C2orf74: variants seen among roughly 807,000 people sequenced by gnomAD.
C2orf74 encodes the protein DPM1 ER membrane anchor 1, also known as uncharacterized protein C2orf74.
A neutral mutation model predicts 17.9 loss-of-function variants in C2orf74; 14 were observed. The ratio of observed to expected loss-of-function variants is 0.78; its 90% CI spans 0.52 to 1.22. C2orf74 has a LOEUF of 1.22. Ranked by LOEUF, C2orf74 falls within the 50% of genes most tolerant of loss-of-function variation. The probability of loss-of-function intolerance (pLI) is 0.00; values close to 1 mark genes in which losing one functional copy is unlikely to be tolerated. For missense variants in C2orf74, 217 were observed against 218.4 expected (o/e 0.99, Z 0.04); for synonymous variants, 79 against 72.6 (o/e 1.09, Z -0.44).
At chr2:61,163,355 TC>T in intron 4 of C2orf74, 123 bp downstream of exon 4, 1 of 1,078,464 alleles carries the variant, frequency 9.3e-7, no homozygotes, top group Non-Finnish European at 1.3e-6. Context: ...ACGCCTGTAA[TC>T]CCAGCATTTT....
At chr2:61,148,955 A>G (rs893772578) in intron 1 of C2orf74, among the ~76,000 whole-genome samples, 1 of 152,160 alleles carries the variant, frequency 6.6e-6, no homozygotes, top group Admixed American at 6.6e-5. Context: ...CAGGAGGTCT[A>G]TGGGAAAACT....
At chr2:61,150,355 G>A (rs1426041625) in intron 1 of C2orf74, among the ~76,000 whole-genome samples, 2 of 152,154 alleles carry the variant, frequency 1.3e-5, no homozygotes, top group African/African-American at 4.8e-5. Flanking sequence ...AGTATAGCTG[G>A]CATTACTGTA....
chr2:61,147,820 T>G (rs1194592088), intron 1 of C2orf74, among the ~76,000 whole-genome samples: 2 of 152,064 alleles, frequency 1.3e-5, no homozygotes, highest in Non-Finnish European at 2.9e-5. Context: ...CAGGCTGGAG[T>G]GCAGTGGTGT....
At chr2:61,149,050 A>T (rs1347150978) in intron 1 of C2orf74, among the ~76,000 whole-genome samples, 1 of 152,192 alleles carries the variant, frequency 6.6e-6, no homozygotes, top group African/African-American at 2.4e-5. Context: ...GTCCTCCACA[A>T]TCTGTCTAAC....
At chr2:61,151,523 TA>T (rs1289102095) in intron 1 of C2orf74, 1 of 151,856 alleles carries the variant, frequency 6.6e-6, no homozygotes, top group East Asian at 1.9e-4. Context: ...GATGTTAGTC[TA>T]AAGTAATCTG....
At chr2:61,163,950 C>T (rs971682680) in intron 4 of C2orf74, among the ~76,000 whole-genome samples, 4 of 152,136 alleles carry the variant, frequency 2.6e-5, no homozygotes, top group East Asian at 1.9e-4. Context: ...AGGCCCAGAC[C>T]GCAGCCCCCT....
chr2:61,157,748 C>G (rs1369280697), upstream of C2orf74: 3 of 409,698 alleles, frequency 7.3e-6, no homozygotes, highest in Non-Finnish European at 1.5e-5. Context: ...TCCTGATCAG[C>G]CAGGCCTGAG....
At chr2:61,147,717 G>A (rs188242113) in intron 1 of C2orf74, among the ~76,000 whole-genome samples, 53 of 152,162 alleles carry the variant, frequency 3.5e-4, no homozygotes, top group African/African-American at 1.2e-3. Context: ...ATCCTTTAAA[G>A]ATTATTTGTG....
intron 1 of C2orf74, among the ~76,000 whole-genome samples, chr2:61,148,227 C>A (rs1179728635): frequency 2.7e-5 from 4 of 150,380 alleles, no homozygotes; most frequent in African/African-American, 7.3e-5. Context: ...GCTCTTGTTG[C>A]CCAAGCTGGA....
upstream of C2orf74, among the ~76,000 whole-genome samples, chr2:61,158,560 G>A (rs959188161): frequency 3.3e-5 from 5 of 152,214 alleles, no homozygotes; most frequent in African/African-American, 4.8e-5. Flanking sequence ...CTGAGACAAC[G>A]AGTATTGCCA....
In C2orf74 at chr2:61,162,504, T is replaced by C. The variant is rs1276765809; in HGVS notation, c.-11T>C. ...TGATTGTGAGAGTGGATGAGTCTTCTAGCTAAACCTATGAGCTTTGAAACC... is the reference window on the plus strand; with the variant it reads ...TGATTGTGAGAGTGGATGAGTCTTCCAGCTAAACCTATGAGCTTTGAAACC... On this transcript the variant is annotated 5_prime_UTR_variant, in exon 2 of 5. Coordinates refer to ENST00000432605, the MANE Select transcript of C2orf74 (RefSeq NM_001143959.4). 2 of 1,548,732 alleles carry C rather than the reference T, an allele frequency of 1.3e-6. No individual in the cohort carries two copies. The highest frequency in any genetic ancestry group is 2.7e-5 in the African/African-American group (2 of 72,952).
Position 61,162,568 on chromosome 2 carries a change from C to T in C2orf74, c.54C>T (p.Leu18=), listed in dbSNP as rs758408440. 2.4e-5 allele frequency: 37 copies of T among 1,551,332 alleles called. No homozygotes were observed. The African/African-American group carries it at 4.8e-4, about 20-fold the overall frequency. The change falls in exon 2 of 5, where the codon CTC becomes CTT. Residue 18 remains leucine, a synonymous_variant. Coordinates refer to ENST00000432605, the MANE Select transcript of C2orf74 (RefSeq NM_001143959.4). ...TCTTCATCATCCTTCTAATTTGCCTCATTTGCATCCTCCTCTTATTGGTGG... is the reference window on the plus strand; with the variant it reads ...TCTTCATCATCCTTCTAATTTGCCTTATTTGCATCCTCCTCTTATTGGTGG... ...ITFFIILLIC[L]ICILLLLVVF... is the part of the protein sequence containing the mutation.
At chr2:61,148,272 C>T (rs1377920799) in intron 1 of C2orf74, among the ~76,000 whole-genome samples, 9 of 151,496 alleles carry the variant, frequency 5.9e-5, no homozygotes, top group South Asian at 2.1e-4. Context: ...CTGCAACCTC[C>T]GCCCCCTGGC....
rs1573711432 is a variant in C2orf74 at position 61,153,841 on chromosome 2, A to T, written c.-122+8645A>T. Among the ~76,000 whole-genome samples the T allele has an allele frequency of 4.0e-5, 6 of 151,606 alleles. No homozygotes were observed. In the South Asian group the frequency reaches 1.3e-3, roughly 32 times the overall value. On this transcript the variant is annotated intron_variant, in intron 1 of 3. Transcript: ENST00000426997. ...GAGGCAGAGGTTGCAGTGAGCTGAG[A>T]TCGTGCCACTACATTCCAGCCTGGG...
chr2:61,162,693 C>T, intron 2 of C2orf74, 84 bp downstream of exon 2: 3 of 1,095,490 alleles, frequency 2.7e-6, no homozygotes, highest in Non-Finnish European at 4.0e-6. Flanking sequence ...CAATTTAAAA[C>T]AGAACAAGTA....
At chr2:61,157,414 A>G (rs1244429557), upstream of C2orf74, among the ~76,000 whole-genome samples, 2 of 152,148 alleles carry the variant, frequency 1.3e-5, no homozygotes, top group African/African-American at 4.8e-5. Flanking sequence ...TCTTGTATCA[A>G]GGCTCAGAAG....
chr2:61,163,379 A>T (rs1467838480), intron 4 of C2orf74, 147 bp downstream of exon 4: 13 of 778,938 alleles, frequency 1.7e-5, no homozygotes, highest in Middle Eastern at 3.9e-4. Flanking sequence ...GAGGCCAAGG[A>T]GGGCGGATCA....
intron 1 of C2orf74, among the ~76,000 whole-genome samples, chr2:61,145,721 C>T (rs1462666256): frequency 1.3e-5 from 2 of 152,122 alleles, no homozygotes; most frequent in East Asian, 3.8e-4. Flanking sequence ...CCGCGCCCGG[C>T]CTGTTTTGTA....
intron 1 of C2orf74, among the ~76,000 whole-genome samples, chr2:61,147,223 C>CT (rs915253571): frequency 2.0e-3 from 205 of 101,828 alleles, no homozygotes; most frequent in Non-Finnish European, 2.9e-3. Context: ...CTTTCCTTTC[C>CT]TTTTTTTTTT....
Sources: allele counts gnomAD v4.1 joint callset (sites outside exome capture counted in the v4.1 genomes callset), GRCh38; gene constraint gnomAD v4.1.1; transcripts MANE v1.5; gene names NCBI Gene and HGNC (gene_info 2026-07-23, HGNC 2026-07-21).